Variants in PCNX2 observed in about 807,000 individuals in gnomAD.
PCNX2 encodes pecanex-like protein 2.
Under a neutral mutation model 223.8 loss-of-function variants are expected in PCNX2, and 168 were observed. The ratio of observed to expected loss-of-function variants is 0.75; its 90% CI spans 0.66 to 0.85. The LOEUF is 0.85. PCNX2 is among the 40% of genes least tolerant of loss of function. PCNX2 has a pLI of 0.00. For missense variants in PCNX2, 2,507 were observed against 2,675.5 expected (o/e 0.94, Z 1.39); for synonymous variants, 1,006 against 1,052.6 (o/e 0.96, Z 0.86).
In PCNX2 at chr1:233,092,566, T is replaced by C. The variant is rs568921836; in HGVS notation, c.3947-2376A>G. Among the ~76,000 whole-genome samples, 11 of 152,208 alleles carry C rather than the reference T, an allele frequency of 7.2e-5. 1 individual carries two copies. The East Asian group carries it at 1.7e-3, about 24-fold the overall frequency. Reference sequence around the variant, plus strand: ...TGGCAGTGAATAGAGAGGATCTTTTTTGGGGGGAAGATCAGTAAAGAATTA... The same window carrying C: ...TGGCAGTGAATAGAGAGGATCTTTTCTGGGGGGAAGATCAGTAAAGAATTA... On this transcript the variant is annotated intron_variant, in intron 22 of 33. Transcript: ENST00000258229.
At chr1:232,993,761 C>T (rs1235369057) in intron 32 of PCNX2, among the ~76,000 whole-genome samples, 4 of 152,208 alleles carry the variant, frequency 2.6e-5, no homozygotes, top group Admixed American at 2.6e-4. Flanking sequence ...CCACGGACCC[C>T]ACTATTCTGT....
chr1:233,101,613 C>A (rs115442395), intron 21 of PCNX2, among the ~76,000 whole-genome samples: 3,014 of 152,020 alleles, frequency 0.02, 108 homozygotes, highest in African/African-American at 0.068. Context: ...ATAATATAAT[C>A]AAAAAAGTTG....
chr1:233,034,172 G>A (rs753037919), intron 25 of PCNX2, among the ~76,000 whole-genome samples: 4 of 152,132 alleles, frequency 2.6e-5, no homozygotes, highest in Non-Finnish European at 5.9e-5. Flanking sequence ...AGATCGTGCC[G>A]CTGCCCTCCA....
intron 25 of PCNX2, among the ~76,000 whole-genome samples, chr1:233,034,930 G>A (rs992587758): frequency 1.3e-5 from 2 of 152,148 alleles, no homozygotes; most frequent in Admixed American, 1.3e-4. Context: ...AGGGAAACAT[G>A]AGGAAAGCTG....
chr1:233,250,957 C>T (rs752745293), intron 7 of PCNX2, 125 bp from the exon 8 acceptor site: 168 of 1,005,980 alleles, frequency 1.7e-4, no homozygotes, highest in Non-Finnish European at 2.2e-4. Context: ...TGTTGACAAT[C>T]GGGGTCCATT....
chr1:233,318,569 T>TC, the PCNX2 span, among the ~76,000 whole-genome samples: 1 of 133,368 alleles, frequency 7.5e-6, no homozygotes, highest in South Asian at 2.8e-4. Context: ...TTTTCTTTTT[T>TC]TTTTTTTTTT....
At chr1:233,308,236 C>G in the PCNX2 span, among the ~76,000 whole-genome samples, 1 of 152,110 alleles carries the variant, frequency 6.6e-6, no homozygotes, top group South Asian at 2.1e-4. Context: ...ACGGGCAGAT[C>G]ATTTGAGGTC....
upstream of PCNX2, among the ~76,000 whole-genome samples, chr1:233,295,982 CT>C (rs200068010): frequency 7.0e-6 from 1 of 143,294 alleles, no homozygotes; most frequent in African/African-American, 2.6e-5. This position sits in a 1 kb window ranked among gnomAD's most constrained non-coding sequence, Gnocchi z 4.1. Context: ...CTTTCTCGCT[CT>C]TTTTTTCTTT....
At chr1:232,998,556 C>T in intron 31 of PCNX2, 118 bp from the exon 32 acceptor site, 2 of 1,028,246 alleles carry the variant, frequency 1.9e-6, no homozygotes, top group Non-Finnish European at 2.8e-6. Flanking sequence ...GGTGAGTAGC[C>T]CACCTGGCAT....
intron 9 of PCNX2, among the ~76,000 whole-genome samples, chr1:233,228,890 C>A (rs894291613): frequency 1.3e-5 from 2 of 152,168 alleles, no homozygotes; most frequent in African/African-American, 2.4e-5. Context: ...ACTTTTCCAA[C>A]ATGGATTTAA....
At chr1:233,213,335 C>G (rs964782225) in intron 12 of PCNX2, among the ~76,000 whole-genome samples, 1 of 151,970 alleles carries the variant, frequency 6.6e-6, no homozygotes, top group African/African-American at 2.4e-5. Context: ...ATTTGGTGCC[C>G]TGGATGGGAA....
At chr1:233,268,615 T>C (rs1273730197) in intron 1 of PCNX2, among the ~76,000 whole-genome samples, 2 of 152,126 alleles carry the variant, frequency 1.3e-5, no homozygotes, top group African/African-American at 4.8e-5. Flanking sequence ...ACTCCTCCTT[T>C]CTGGAAGTTA....
At chr1:233,184,518 A>G (rs1679983716) in intron 15 of PCNX2, among the ~76,000 whole-genome samples, 2 of 152,086 alleles carry the variant, frequency 1.3e-5, no homozygotes, top group Admixed American at 1.3e-4. Flanking sequence ...TATTTTGATA[A>G]TTGAGTTTAC....
intron 19 of PCNX2, among the ~76,000 whole-genome samples, chr1:233,155,190 G>A (rs918598883): frequency 6.6e-6 from 1 of 151,910 alleles, no homozygotes; most frequent in African/African-American, 2.4e-5. Context: ...TCCTGGGCTC[G>A]AGTGATCTTC....
At chr1:233,254,487 T>A (rs1659618418) in intron 5 of PCNX2, among the ~76,000 whole-genome samples, 1 of 152,242 alleles carries the variant, frequency 6.6e-6, no homozygotes, top group South Asian at 2.1e-4. Context: ...GTACATTACA[T>A]AAGTCAACAT....
At chr1:233,155,986 A>T (rs1471532803) in intron 19 of PCNX2, among the ~76,000 whole-genome samples, 2 of 152,198 alleles carry the variant, frequency 1.3e-5, no homozygotes, top group Non-Finnish European at 2.9e-5. Context: ...GCAATTTTTT[A>T]AAAGAGCAAC....
chr1:233,263,359 T>C (rs1660161056), intron 1 of PCNX2, among the ~76,000 whole-genome samples, 196 bp from the exon 2 acceptor site: 1 of 152,196 alleles, frequency 6.6e-6, no homozygotes, highest in South Asian at 2.1e-4. Flanking sequence ...CTTTTTTGTT[T>C]CTCAGGTTCT....
At chr1:233,097,420 T>C (rs1040193624) in intron 21 of PCNX2, among the ~76,000 whole-genome samples, 1 of 152,042 alleles carries the variant, frequency 6.6e-6, no homozygotes, top group Non-Finnish European at 1.5e-5. Context: ...TAAGGAAATA[T>C]CAATTCCAGG....
chr1:233,208,957 C>T (rs183940835), intron 12 of PCNX2, among the ~76,000 whole-genome samples: 1 of 151,538 alleles, frequency 6.6e-6, no homozygotes, highest in Admixed American at 6.6e-5. Context: ...CAAGATTTAC[C>T]TGAAAATTTA....
Sources: allele counts gnomAD v4.1 joint callset (sites outside exome capture counted in the v4.1 genomes callset), GRCh38; gene constraint gnomAD v4.1.1; non-coding constraint Gnocchi (gnomAD v3.1); transcripts MANE v1.5; gene names NCBI Gene and HGNC (gene_info 2026-07-23, HGNC 2026-07-21).